MYO7A: variants seen among roughly 807,000 people sequenced by gnomAD.
MYO7A encodes the protein unconventional myosin-VIIa.
Under a neutral mutation model 263.8 loss-of-function variants are expected in MYO7A, and 210 were observed. That is an observed-to-expected ratio of 0.80 (90% confidence interval 0.71 to 0.89). The LOEUF (loss-of-function observed/expected upper bound fraction) is 0.89. MYO7A is among the 40% of genes least tolerant of loss of function. The pLI is 0.00. For missense variants in MYO7A, 2,820 were observed against 2,968.3 expected, an observed-to-expected ratio of 0.95 and a Z score of 1.16; for synonymous variants, 1,239 against 1,197.3, an observed-to-expected ratio of 1.03 and a Z score of -0.72.
In MYO7A at chr11:77,147,684, G is replaced by C. The variant is rs1483943368; in HGVS notation, c.133-114G>C. 3 of 1,383,178 alleles carry C rather than the reference G, an allele frequency of 2.2e-6. No homozygotes were observed. In the Admixed American group the frequency reaches 6.0e-5, roughly 28 times the overall value. The allele number at this position is 1,383,178 out of a possible 1,614,324, so 85.7% of individuals were successfully genotyped here. On this transcript the variant is annotated intron_variant, in intron 3 of 48. Coordinates refer to ENST00000409709, the MANE Select transcript of MYO7A (RefSeq NM_000260.4). ...ACAGTGTCTGGCTGCCAGAGAGGTC[G>C]AGGCCCTTACCCGGGTTGGCACTCA...
chr11:77,128,675 G>C (rs1200881740), intron 1 of MYO7A, among the ~76,000 whole-genome samples, 186 bp downstream of exon 1: 1 of 152,198 alleles, frequency 6.6e-6, no homozygotes, highest in East Asian at 1.9e-4. Context: ...TGGGAAGATG[G>C]ATGTGTGTCC....
chr11:77,162,313 G>T lies in MYO7A; in HGVS notation c.1537G>T (p.Glu513Ter). The change falls in exon 13 of 49, where the codon GAG becomes TAG. Residue 513 changes from glutamate (E) to a stop codon, truncating the protein, a stop_gained. Transcript: ENST00000409709. LOFTEE classifies it high-confidence loss of function. Reference sequence around the variant, plus strand: ...GAACATCATCTCCCTCATCGATGAGGAGAGCAAGTTCCCCAAGGTGGGCCG... The same window carrying T: ...GAACATCATCTCCCTCATCGATGAGTAGAGCAAGTTCCCCAAGGTGGGCCG... ...PMNIISLIDE[E>*]SKFPKGTDTT... The T allele has an allele frequency of 6.4e-7, 1 of 1,551,770 alleles. No homozygotes were observed. The highest frequency in any genetic ancestry group is 8.7e-7 in the Non-Finnish European group (1 of 1,147,088).
chr11:77,159,785 G>C (rs1298501535), intron 10 of MYO7A, among the ~76,000 whole-genome samples: 1 of 152,174 alleles, frequency 6.6e-6, no homozygotes, highest in African/African-American at 2.4e-5. Flanking sequence ...CTGCCCTCTG[G>C]GCCTCAGTCT....
At chr11:77,180,795 A>G (rs1398153209) in intron 22 of MYO7A, among the ~76,000 whole-genome samples, 1 of 152,194 alleles carries the variant, frequency 6.6e-6, no homozygotes, top group African/African-American at 2.4e-5. Flanking sequence ...ACTGCCCAAT[A>G]GAGAGCCACC....
At position 77,153,611 on chromosome 11, in the gene MYO7A, A is replaced by G. The variant is rs563971854; in HGVS notation, c.286-2296A>G. 5.3e-5 allele frequency among the ~76,000 whole-genome samples: 8 copies of G among 152,286 alleles called. No homozygotes were observed. The South Asian group carries it at 1.7e-3, about 32-fold the overall frequency. On this transcript the variant is annotated intron_variant, in intron 4 of 48. Coordinates refer to ENST00000409709, the MANE Select transcript of MYO7A (RefSeq NM_000260.4). ...GAGCCTGCTCCCAGGGCCTCCCTCCATCGGGCTCTGACTGCCTTCTGGAAG... is the reference window on the plus strand; with the variant it reads ...GAGCCTGCTCCCAGGGCCTCCCTCCGTCGGGCTCTGACTGCCTTCTGGAAG...
At position 77,167,312 on chromosome 11, in the gene MYO7A, G is replaced by A. The variant is rs781205438; in HGVS notation, c.1797+1150G>A. Among the ~76,000 whole-genome samples the A allele has an allele frequency of 5.9e-5, 9 of 152,248 alleles. No individual in the cohort carries two copies. In the South Asian group the frequency reaches 6.2e-4, roughly 11 times the overall value. ...AGGTCTCCTAAGGCCCCTTGGAGGC[G>A]TCAATCCCCGGTCCTTCCACCAGGC... On this transcript the variant is annotated intron_variant, in intron 15 of 48. Coordinates refer to ENST00000409709, the MANE Select transcript of MYO7A (RefSeq NM_000260.4).
At chr11:77,159,407 A>ACCCCCC in intron 9 of MYO7A, 40 bp from the exon 10 acceptor site, 14 of 426,920 alleles carry the variant, frequency 3.3e-5, no homozygotes, top group South Asian at 5.6e-5. Context: ...CCTGTTGCCC[A>ACCCCCC]CCCTCCCTCC....
intron 37 of MYO7A, 29 bp downstream of exon 37, chr11:77,202,453 C>A (rs1433706719): frequency 5.2e-6 from 8 of 1,546,750 alleles, no homozygotes; most frequent in Non-Finnish European, 6.1e-6. Context: ...GGATGGGAGC[C>A]ACAGGGCTAG....
chr11:77,133,794 T>C (rs1950834569), intron 2 of MYO7A, among the ~76,000 whole-genome samples: 1 of 152,242 alleles, frequency 6.6e-6, no homozygotes, highest in Non-Finnish European at 1.5e-5. Context: ...ATGTCTTATA[T>C]CTTTTCCTCC....
chr11:77,182,922 G>T, intron 25 of MYO7A, 146 bp from the exon 26 acceptor site: 2 of 769,622 alleles, frequency 2.6e-6, no homozygotes, highest in Non-Finnish European at 4.5e-6. Context: ...CAAGGGTAGG[G>T]GTGAGCAGGT....
chr11:77,162,960 T>G lies in MYO7A; in HGVS notation c.1662T>G (p.Phe554Leu), dbSNP rs1953147137. 1 of 1,613,886 alleles carries G rather than the reference T, an allele frequency of 6.2e-7. No homozygotes were observed. Among genetic ancestry groups the G allele is most frequent in the East Asian group, 2.2e-5 (1 of 44,880 alleles). Residue 554 changes from phenylalanine to leucine, a missense_variant, in exon 14 of 49, where the codon TTT becomes TTG. Physicochemically the swap from Phe to Leu is conservative, Grantham distance 22. Transcript: ENST00000409709. ...AGACCCAGTTTGGCATCAACCATTTTGCAGGCATCGTCTACTATGAGACCC... is the reference window on the plus strand; with the variant it reads ...AGACCCAGTTTGGCATCAACCATTTGGCAGGCATCGTCTACTATGAGACCC... ...NHETQFGINH[F>L]AGIVYYETQG...
At chr11:77,200,620 G>A (rs562186373) in intron 35 of MYO7A, among the ~76,000 whole-genome samples, 13 of 152,334 alleles carry the variant, frequency 8.5e-5, no homozygotes, top group South Asian at 6.2e-4. Flanking sequence ...ACCATGCCCC[G>A]TGGCCTTGGC....
At position 77,182,136 on chromosome 11, in the gene MYO7A, C is replaced by G; in HGVS notation, c.3090C>G (p.Asp1030Glu). 6.2e-7 allele frequency: 1 copy of G among 1,613,336 alleles called. No homozygotes were observed. Among genetic ancestry groups the G allele is most frequent in the South Asian group, 1.1e-5 (1 of 91,082 alleles). The change falls in exon 24 of 49, where the codon GAC (aspartate) becomes GAG (glutamate). Residue 1030 changes from aspartate (D) to glutamate (E), a missense_variant. Asp to Glu is a conservative substitution (Grantham distance 45, BLOSUM62 2). Transcript: ENST00000409709. ...RPLKQPLLYH[D>E]DEGDQLAALA... ...TCAAACAGCCACTGCTCTACCATGA[C>G]GACGAGGGTGACCAGCTGGTAAGGC...
chr11:77,212,264 C>T (rs1254917993), intron 46 of MYO7A: 3 of 477,436 alleles, frequency 6.3e-6, no homozygotes, highest in Middle Eastern at 3.1e-4. Flanking sequence ...GTGAGAAGGC[C>T]TCTTAGAGGA....
intron 11 of MYO7A, among the ~76,000 whole-genome samples, chr11:77,160,667 G>A (rs1001033989): frequency 7.2e-5 from 11 of 152,198 alleles, no homozygotes; most frequent in Admixed American, 7.2e-4. Context: ...GGGGACCTCA[G>A]AGATAAACAG....
At position 77,212,964 on chromosome 11, in the gene MYO7A, C is replaced by T. The variant is rs1292563170; in HGVS notation, c.6367C>T (p.Pro2123Ser). 1.3e-6 allele frequency: 2 copies of T among 1,594,668 alleles called. No individual in the cohort carries two copies. Among genetic ancestry groups the T allele is most frequent in the East Asian group, 2.3e-5 (1 of 44,308 alleles). Reference sequence around the variant, plus strand: ...TCTTTTTTTCTAGCAAACTACGGAGCCAAACTTCCCTGAGATCCTCCTAAT... The same window carrying T: ...TCTTTTTTTCTAGCAAACTACGGAGTCAAACTTCCCTGAGATCCTCCTAAT... ...AFFEVKQTTE[P>S]NFPEILLIAI... is the part of the protein sequence containing the mutation. The change falls in exon 47 of 49, where the codon CCA becomes TCA. Residue 2123 changes from proline to serine, a missense_variant. Physicochemically the swap from Pro to Ser is moderately conservative, Grantham distance 74. Transcript: ENST00000409709.
At position 77,158,376 on chromosome 11, in the gene MYO7A, G is replaced by C; in HGVS notation, c.949G>C (p.Glu317Gln). ...CATGTTCACTGACACCGAGAACTGG[G>C]AGATCTCGAAGCTCCTGGCTGCCAT... ...VLMFTDTENW[E>Q]ISKLLAAILH... is the part of the protein sequence containing the mutation. The change falls in exon 9 of 49, where the codon GAG (glutamate) becomes CAG (glutamine). Residue 317 changes from glutamate to glutamine, a missense_variant. Transcript: ENST00000409709. 6.2e-7 allele frequency: 1 copy of C among 1,613,222 alleles called. No individual in the cohort carries two copies. The highest frequency in any genetic ancestry group is 8.5e-7 in the Non-Finnish European group (1 of 1,179,796).
At chr11:77,169,616 C>T (rs550227398) in intron 15 of MYO7A, among the ~76,000 whole-genome samples, 43 of 152,208 alleles carry the variant, frequency 2.8e-4, no homozygotes, top group Non-Finnish European at 5.3e-4. Flanking sequence ...GCCTTTCCCC[C>T]CAATGAAATA....
chr11:77,189,714 C>G (rs1428384707), intron 28 of MYO7A, among the ~76,000 whole-genome samples: 1 of 152,228 alleles, frequency 6.6e-6, no homozygotes, highest in Non-Finnish European at 1.5e-5. Context: ...CCCAGGCCCT[C>G]TGCACCCTCG....
Sources: gnomAD v4.1 joint callset for allele counts (sites outside exome capture counted in the v4.1 genomes callset) on GRCh38, gnomAD v4.1.1 for gene constraint, MANE v1.5 for transcripts, NCBI Gene and HGNC (gene_info 2026-07-23, HGNC 2026-07-21) for gene names.